LUZP1: variants seen among roughly 807,000 people sequenced by gnomAD.
LUZP1 encodes leucine zipper protein 1.
LUZP1 carries 25 observed loss-of-function variants against 71.3 expected under a neutral mutation model. The ratio of observed to expected loss-of-function variants is 0.35; its 90% confidence interval spans 0.26 to 0.49. The LOEUF (loss-of-function observed/expected upper bound fraction) is 0.49. Ranked by LOEUF, LUZP1 falls within the 20% of genes least tolerant of loss-of-function variation. The pLI is 0.99. For missense variants in LUZP1, 1,142 were observed against 1,300.8 expected (o/e 0.88, Z 1.88); for synonymous variants, 481 against 506.4 (o/e 0.95, Z 0.67).
chr1:23,098,464 G>A (rs1643905913), intron 3 of LUZP1, among the ~76,000 whole-genome samples: 1 of 152,186 alleles, frequency 6.6e-6, no homozygotes, highest in Non-Finnish European at 1.5e-5. Flanking sequence ...CTGTGGGGGA[G>A]TAGGGAGAAG....
At chr1:23,130,150 C>A (rs1342231738) in intron 2 of LUZP1, among the ~76,000 whole-genome samples, 1 of 152,136 alleles carries the variant, frequency 6.6e-6, no homozygotes, top group Non-Finnish European at 1.5e-5. Context: ...CCTGGAATAC[C>A]CTTTCCATCT....
intron 2 of LUZP1, among the ~76,000 whole-genome samples, chr1:23,145,536 C>T (rs372154218): frequency 2.0e-5 from 3 of 148,954 alleles, no homozygotes; most frequent in South Asian, 4.3e-4. Context: ...ATGGCGCAAT[C>T]TCAGCTCACT....
At chr1:23,137,272 A>G (rs1452305584) in intron 2 of LUZP1, among the ~76,000 whole-genome samples, 1 of 152,258 alleles carries the variant, frequency 6.6e-6, no homozygotes, top group African/African-American at 2.4e-5. Flanking sequence ...CATTTCTTCA[A>G]AGAAGATATA....
intron 1 of LUZP1, among the ~76,000 whole-genome samples, chr1:23,171,097 A>AT (rs1553143573): frequency 2.2e-3 from 303 of 139,808 alleles, no homozygotes; most frequent in Middle Eastern, 7.4e-3. Context: ...TCAAAAAAAA[A>AT]AAATATATAT....
In LUZP1 at chr1:23,094,258, C is replaced by T. The variant is rs778790707; in HGVS notation, c.4G>A (p.Ala2Thr). Residue 2 changes from alanine to threonine, a missense_variant, in exon 4 of 5, where the codon GCC (alanine) becomes ACC (threonine). Ala to Thr is a moderately conservative substitution (Grantham distance 58). Coordinates refer to ENST00000302291, the Ensembl canonical transcript of LUZP1. This position sits in a 1 kb window ranked among gnomAD's most constrained non-coding sequence, Gnocchi z 4.7. ...GTCTCCTTGTAGCTTGTAAATTCGG[C>T]CATGTCTACTGCCAGCCAATGTGGG... The T allele has an allele frequency of 2.5e-6, 4 of 1,599,224 alleles. No homozygotes were observed. The Admixed American group carries it at 5.2e-5, about 21-fold the overall frequency.
rs143334278 is a variant in LUZP1, at chr1:23,106,179, C to G, written c.-120+2843G>C. 1.9e-3 allele frequency among the ~76,000 whole-genome samples: 288 copies of G among 152,270 alleles called. 5 individuals carry two copies. Among genetic ancestry groups the G allele is most frequent in the African/African-American group, 6.4e-3 (267 of 41,546 alleles). On this transcript the variant is annotated intron_variant, in intron 3 of 4. Transcript: ENST00000302291. Reference sequence around the variant, plus strand: ...TAGCATGATTTATTCTTAGTGAACACAAGCTGGCTTCTAGGGATCACTGTT... The same window carrying G: ...TAGCATGATTTATTCTTAGTGAACAGAAGCTGGCTTCTAGGGATCACTGTT...
At chr1:23,168,159 C>CCGGCCCGCGGCCCG (rs1000015753) in intron 2 of LUZP1, among the ~76,000 whole-genome samples, 1 of 145,088 alleles carries the variant, frequency 6.9e-6, no homozygotes, top group African/African-American at 2.5e-5. Context: ...CCCTCCCCGC[C>CCGGCCCGCGGCCCG]CGGCCCGCGG....
At chr1:23,136,278 G>A (rs980653732) in intron 2 of LUZP1, among the ~76,000 whole-genome samples, 4 of 144,712 alleles carry the variant, frequency 2.8e-5, no homozygotes, top group South Asian at 2.2e-4. Flanking sequence ...AGGCTGAGGC[G>A]GGCAGATTCC....
intron 2 of LUZP1, among the ~76,000 whole-genome samples, chr1:23,150,730 AT>A (rs752261695): frequency 3.3e-5 from 5 of 152,190 alleles, no homozygotes; most frequent in Non-Finnish European, 5.9e-5. Context: ...AGACAAACAT[AT>A]CAAAAAACTG....
At chr1:23,113,828 C>G (rs920593730) in intron 2 of LUZP1, among the ~76,000 whole-genome samples, 17 of 150,784 alleles carry the variant, frequency 1.1e-4, no homozygotes, top group Admixed American at 6.6e-5. Context: ...TGCAGTGAGC[C>G]GAGATTCAGC....
chr1:23,084,084 A>ACTT (rs1234496613), exon 5 of LUZP1: 8 of 152,142 alleles, frequency 5.3e-5, no homozygotes, highest in African/African-American at 1.9e-4. Flanking sequence ...ATGTGCTAAA[A>ACTT]CTTCCCAATT....
chr1:23,170,786 G>A (rs1034612788), intron 1 of LUZP1, among the ~76,000 whole-genome samples: 12 of 151,896 alleles, frequency 7.9e-5, no homozygotes, highest in African/African-American at 1.2e-4. Context: ...CTTATTTTCA[G>A]TAGTATTATA....
chr1:23,106,102 G>A (rs973472643), intron 3 of LUZP1, among the ~76,000 whole-genome samples: 5 of 152,042 alleles, frequency 3.3e-5, no homozygotes, highest in South Asian at 2.1e-4. Context: ...TGTACCGATC[G>A]TTTAAATAAA....
At chr1:23,172,816 A>C (rs1237028949) in intron 1 of LUZP1, among the ~76,000 whole-genome samples, 3 of 151,172 alleles carry the variant, frequency 2.0e-5, no homozygotes, top group Non-Finnish European at 4.4e-5. Context: ...TGCCCAGCCA[A>C]AATTTTATTT....
At chr1:23,145,553 TC>T (rs1279819888) in intron 2 of LUZP1, among the ~76,000 whole-genome samples, 2 of 149,344 alleles carry the variant, frequency 1.3e-5, no homozygotes, top group Admixed American at 1.4e-4. Flanking sequence ...CACTGCAACC[TC>T]CGCCTCCTGA....
intron 2 of LUZP1, among the ~76,000 whole-genome samples, chr1:23,124,729 A>T (rs934269504): frequency 2.0e-5 from 3 of 152,142 alleles, no homozygotes; most frequent in Non-Finnish European, 2.9e-5. Context: ...AAGGAGGTAC[A>T]TTTTTTTAAA....
intron 2 of LUZP1, among the ~76,000 whole-genome samples, chr1:23,142,696 T>TACACAC (rs1359946880): frequency 1.2e-4 from 11 of 90,802 alleles, no homozygotes; most frequent in African/African-American, 5.9e-4. Flanking sequence ...AATATATATA[T>TACACAC]ATATACACAC....
At chr1:23,173,792 A>G (rs1644567155) in intron 1 of LUZP1, among the ~76,000 whole-genome samples, 1 of 151,328 alleles carries the variant, frequency 6.6e-6, no homozygotes, top group Non-Finnish European at 1.5e-5. Context: ...ACTGCAATAG[A>G]AAGTTCCACA....
At chr1:23,142,922 T>C (rs912714454) in intron 2 of LUZP1, among the ~76,000 whole-genome samples, 6 of 151,558 alleles carry the variant, frequency 4.0e-5, no homozygotes, top group African/African-American at 1.5e-4. Context: ...TCCTGGCACT[T>C]TGGGAGGCTG....
Sources: allele counts gnomAD v4.1 joint callset (sites outside exome capture counted in the v4.1 genomes callset), GRCh38; gene constraint gnomAD v4.1.1; non-coding constraint Gnocchi (gnomAD v3.1); transcripts MANE v1.5; gene names NCBI Gene and HGNC (gene_info 2026-07-23, HGNC 2026-07-21).